The following STAMBP variants were observed in gnomAD, a reference collection of about 807,000 sequenced individuals.
STAMBP encodes the protein STAM-binding protein.
Under a neutral mutation model 50.7 loss-of-function variants are expected in STAMBP, and 31 were observed. The ratio of observed to expected loss-of-function variants is 0.61; its 90% CI spans 0.46 to 0.83. The LOEUF (loss-of-function observed/expected upper bound fraction) is 0.83. Among genes scored for constraint, STAMBP ranks in the 40% least tolerant of loss-of-function variants. STAMBP has a pLI of 0.00. For missense variants in STAMBP, 472 were observed against 518.9 expected, an observed-to-expected ratio of 0.91 and a Z score of 0.88; for synonymous variants, 211 against 192.4, an observed-to-expected ratio of 1.10 and a Z score of -0.80.
chr2:73,868,118 C>A (rs1445567250), downstream of STAMBP, among the ~76,000 whole-genome samples: 17 of 134,018 alleles, frequency 1.3e-4, no homozygotes, highest in Non-Finnish European at 2.5e-4. Context: ...GAGCAAAACT[C>A]TGTCTCAAAA....
At chr2:73,835,320 C>T (rs938911845) in intron 2 of STAMBP, among the ~76,000 whole-genome samples, 3 of 149,504 alleles carry the variant, frequency 2.0e-5, no homozygotes, top group Non-Finnish European at 3.0e-5. Flanking sequence ...CGGCACTGCA[C>T]TCCAGCCTGG....
At chr2:73,842,108 TC>T (rs34151938) in intron 2 of STAMBP, among the ~76,000 whole-genome samples, 8,512 of 152,334 alleles carry the variant, frequency 0.056, 264 homozygotes, top group African/African-American at 0.077. Context: ...TGTGTATACT[TC>T]CTGTTTCTTT....
At chr2:73,853,766 A>C (rs781249466) in intron 7 of STAMBP, among the ~76,000 whole-genome samples, 1 of 152,196 alleles carries the variant, frequency 6.6e-6, no homozygotes, top group Non-Finnish European at 1.5e-5. Context: ...ATCATTAAGC[A>C]AATATCTATG....
rs959176431 is a variant in STAMBP at position 73,850,778 on chromosome 2, G to A, written c.1005+265G>A. On this transcript the variant is annotated intron_variant, in intron 7 of 9. Coordinates refer to ENST00000394070, the MANE Select transcript of STAMBP (RefSeq NM_213622.4). This position sits in a 1 kb window ranked among gnomAD's most constrained non-coding sequence, Gnocchi z 4.3. ...CTAAAGTTCCAGTTTCCCTCTGAGT[G>A]TAACTGGTGATGGGATGCTGGCCTA... Among the ~76,000 whole-genome samples the A allele has an allele frequency of 2.4e-4, 36 of 152,138 alleles. No homozygotes were observed. Among genetic ancestry groups the A allele is most frequent in the African/African-American group, 8.5e-4 (35 of 41,404 alleles).
At chr2:73,847,836 C>T in intron 5 of STAMBP, 83 bp downstream of exon 5, 2 of 1,499,072 alleles carry the variant, frequency 1.3e-6, no homozygotes, top group Admixed American at 2.0e-5. Context: ...AAGATTACCT[C>T]CCTGATCCCA....
intron 7 of STAMBP, among the ~76,000 whole-genome samples, chr2:73,853,844 C>T (rs570726455): frequency 2.0e-5 from 3 of 152,318 alleles, no homozygotes; most frequent in Admixed American, 6.5e-5. Flanking sequence ...GGAGGGAAGT[C>T]CTCCCTTCCT....
intron 2 of STAMBP, among the ~76,000 whole-genome samples, chr2:73,839,182 C>T (rs1210450368): frequency 6.6e-6 from 1 of 152,196 alleles, no homozygotes; most frequent in Non-Finnish European, 1.5e-5. Context: ...GCAGTTCAGG[C>T]ATCTTAATGA....
At chr2:73,868,986 C>A (rs1211365185), downstream of STAMBP, among the ~76,000 whole-genome samples, 2 of 152,190 alleles carry the variant, frequency 1.3e-5, no homozygotes, top group Non-Finnish European at 1.5e-5. Flanking sequence ...CTGTCAGGGA[C>A]AAGATAGATC....
At chr2:73,852,123 G>A (rs2104568534) in intron 7 of STAMBP, among the ~76,000 whole-genome samples, 1 of 152,280 alleles carries the variant, frequency 6.6e-6, no homozygotes, top group South Asian at 2.1e-4. Context: ...TTGTGGCAAG[G>A]AGATGATTTA....
intron 9 of STAMBP, chr2:73,860,608 T>C: frequency 1.0e-6 from 1 of 975,604 alleles, no homozygotes; most frequent in Non-Finnish European, 1.2e-6. Flanking sequence ...AGTATATTTG[T>C]AGAATTTTGC....
chr2:73,852,261 A>G (rs1226360885), intron 7 of STAMBP, among the ~76,000 whole-genome samples: 1 of 152,186 alleles, frequency 6.6e-6, no homozygotes, highest in Non-Finnish European at 1.5e-5. Context: ...ATGATGACTC[A>G]GAGTCAATGG....
At chr2:73,839,089 A>G (rs1268646273) in intron 2 of STAMBP, among the ~76,000 whole-genome samples, 1 of 152,170 alleles carries the variant, frequency 6.6e-6, no homozygotes. Context: ...CTCCCCTACT[A>G]CTGAGAATCA....
At chr2:73,844,645 G>T (rs1675833967) in intron 2 of STAMBP, 168 bp from the exon 3 acceptor site, 2 of 497,038 alleles carry the variant, frequency 4.0e-6, no homozygotes, top group Admixed American at 7.7e-5. Flanking sequence ...TCTTTAGGGG[G>T]ATAGAGATGG....
At chr2:73,841,763 T>C (rs996486211) in intron 2 of STAMBP, among the ~76,000 whole-genome samples, 1 of 152,190 alleles carries the variant, frequency 6.6e-6, no homozygotes, top group African/African-American at 2.4e-5. Context: ...AAACCAGGAT[T>C]TGAGCCCAGG....
At chr2:73,856,079 T>A (rs1558588900) in intron 7 of STAMBP, among the ~76,000 whole-genome samples, 1 of 152,230 alleles carries the variant, frequency 6.6e-6, no homozygotes, top group Non-Finnish European at 1.5e-5. Flanking sequence ...ATATAAAATA[T>A]GTGCTTAATA....
At chr2:73,852,106 A>C (rs1418978644) in intron 7 of STAMBP, among the ~76,000 whole-genome samples, 1 of 152,208 alleles carries the variant, frequency 6.6e-6, no homozygotes, top group Non-Finnish European at 1.5e-5. Context: ...TACAGTTTTA[A>C]GGTAGGTTGT....
At chr2:73,869,182 GTT>G (rs780368796), downstream of STAMBP, among the ~76,000 whole-genome samples, 27 of 152,254 alleles carry the variant, frequency 1.8e-4, no homozygotes, top group African/African-American at 6.3e-4. Flanking sequence ...GCACAACGAT[GTT>G]CACTAAAAGA....
At position 73,862,270 on chromosome 2, in the gene STAMBP, C is replaced by A; in HGVS notation, c.*11C>A. 6.2e-7 allele frequency: 1 copy of A among 1,606,896 alleles called. No homozygotes were observed. Among genetic ancestry groups the A allele is most frequent in the East Asian group, 2.2e-5 (1 of 44,726 alleles). ...ACAGACCTTCGATGAGCGTTTGAGT[C>A]CAACACCTTCCAAGAACAACAAAAC... On this transcript the variant is annotated 3_prime_UTR_variant, in exon 10 of 10. Coordinates refer to ENST00000394070, the MANE Select transcript of STAMBP (RefSeq NM_213622.4).
chr2:73,859,813 C>T (rs1678106091), intron 8 of STAMBP, among the ~76,000 whole-genome samples: 1 of 152,104 alleles, frequency 6.6e-6, no homozygotes, highest in Admixed American at 6.5e-5. Context: ...TCTACTCCCA[C>T]TTTGATTATT....
Sources: allele counts gnomAD v4.1 joint callset (sites outside exome capture counted in the v4.1 genomes callset), GRCh38; gene constraint gnomAD v4.1.1; non-coding constraint Gnocchi (gnomAD v3.1); transcripts MANE v1.5; gene names NCBI Gene and HGNC (gene_info 2026-07-23, HGNC 2026-07-21).